The following MEF2D variants were observed in gnomAD, a reference collection of about 807,000 sequenced individuals.
MEF2D encodes myocyte enhancer factor 2D.
Under a neutral mutation model 59.3 loss-of-function variants are expected in MEF2D, and 10 were observed. The ratio of observed to expected loss-of-function variants is 0.17; its 90% CI spans 0.10 to 0.29. The LOEUF is 0.29. Ranked by LOEUF, MEF2D falls within the 10% of genes least tolerant of loss-of-function variation. The pLI is 1.00. For missense variants in MEF2D, 508 were observed against 699.4 expected (o/e 0.73, Z 3.09); for synonymous variants, 305 against 295.0 (o/e 1.03, Z -0.35).
At chr1:156,493,723 A>C (rs1672961711) in intron 1 of MEF2D, among the ~76,000 whole-genome samples, 1 of 152,040 alleles carries the variant, frequency 6.6e-6, no homozygotes, top group Non-Finnish European at 1.5e-5. Flanking sequence ...CTGCCTACCA[A>C]GTTTTCCTTG....
intron 1 of MEF2D, among the ~76,000 whole-genome samples, chr1:156,500,082 G>A (rs1673393442): frequency 6.6e-6 from 1 of 152,114 alleles, no homozygotes; most frequent in Non-Finnish European, 1.5e-5. Context: ...GAGGGAGGGA[G>A]GGCCGGCTGT....
Position 156,489,378 on chromosome 1 carries a change from G to A in MEF2D, c.-138-5948C>T, listed in dbSNP as rs531871895. 2.7e-3 allele frequency among the ~76,000 whole-genome samples: 415 copies of A among 152,252 alleles called. 1 individual carries two copies. The highest frequency in any genetic ancestry group is 9.6e-3 in the African/African-American group (398 of 41,542). On this transcript the variant is annotated intron_variant, in intron 1 of 11. Transcript: ENST00000348159. ...CCTGCTCACTAACGAGGGAGGAGGCGTGGGTGAGGCAGACACAGAAGAGGG... is the reference window on the plus strand; with the variant it reads ...CCTGCTCACTAACGAGGGAGGAGGCATGGGTGAGGCAGACACAGAAGAGGG...
intron 1 of MEF2D, among the ~76,000 whole-genome samples, chr1:156,498,131 T>G (rs561818520): frequency 9.0e-6 from 1 of 110,530 alleles, no homozygotes; most frequent in East Asian, 2.5e-4. Flanking sequence ...AAAAAAACCC[T>G]GCTACAGAGA....
chr1:156,488,347 G>A (rs1672509656), intron 1 of MEF2D, among the ~76,000 whole-genome samples: 1 of 152,212 alleles, frequency 6.6e-6, no homozygotes, highest in Admixed American at 6.5e-5. Flanking sequence ...CAGGTCAAAA[G>A]GGAGCAGATG....
chr1:156,488,018 C>A (rs1021924056), intron 1 of MEF2D, among the ~76,000 whole-genome samples: 8 of 152,214 alleles, frequency 5.3e-5, no homozygotes, highest in African/African-American at 1.9e-4. Flanking sequence ...CCTGCCCAAT[C>A]CTGACCTCAG....
intron 1 of MEF2D, among the ~76,000 whole-genome samples, chr1:156,485,486 T>A (rs898167826): frequency 6.6e-6 from 1 of 151,474 alleles, no homozygotes; most frequent in African/African-American, 2.4e-5. Context: ...GATAAATGCA[T>A]TGCGCTTCAA....
chr1:156,481,394 G>T (rs1261754452), intron 3 of MEF2D, among the ~76,000 whole-genome samples: 1 of 152,208 alleles, frequency 6.6e-6, no homozygotes, highest in Non-Finnish European at 1.5e-5. Flanking sequence ...AGGTAGGCAG[G>T]GGGGCTCTGC....
chr1:156,470,230 G>A (rs1376000507), intron 9 of MEF2D, among the ~76,000 whole-genome samples: 1 of 152,100 alleles, frequency 6.6e-6, no homozygotes, highest in Non-Finnish European at 1.5e-5. Flanking sequence ...GATTAGCCTG[G>A]CCAACATGGT....
At position 156,468,428 on chromosome 1, in the gene MEF2D, TG is replaced by T; in HGVS notation, c.1248-130del. On this transcript the variant is annotated intron_variant, in intron 10 of 11. Coordinates refer to ENST00000348159, the MANE Select transcript of MEF2D (RefSeq NM_005920.4). The surrounding 1 kb of genome is among the most constrained non-coding windows in gnomAD (Gnocchi z 4.3). ...GATGAGAATATGGGGGATGGGGTGT[TG>T]GGGAGAGGCAATTGGATGGAGAGTG... 1.5e-6 allele frequency: 1 copy of T among 684,944 alleles called. No homozygotes were observed. 42.4% of individuals were successfully genotyped at this position (684,944 alleles called of 1,614,324 possible). A position where few individuals can be genotyped will look rare whatever the true frequency, so the allele number is the denominator to read the frequency against.
chr1:156,475,803 G>C (rs1449809111), intron 8 of MEF2D, among the ~76,000 whole-genome samples: 1 of 152,234 alleles, frequency 6.6e-6, no homozygotes, highest in African/African-American at 2.4e-5. Context: ...CAGCCTCTCT[G>C]GCCTCCCGTC....
chr1:156,468,700 C>T lies in MEF2D; in HGVS notation c.1247+80G>A. ...ATGTCCACTAGAACCCTGCAGGGAA[C>T]CCAGCTCCCAAGAGGTCCCTCCTCT... On this transcript the variant is annotated intron_variant, in intron 10 of 11. Coordinates refer to ENST00000348159, the MANE Select transcript of MEF2D (RefSeq NM_005920.4). This position sits in a 1 kb window ranked among gnomAD's most constrained non-coding sequence, Gnocchi z 4.3. 6.4e-7 allele frequency: 1 copy of T among 1,555,680 alleles called. No homozygotes were observed. The highest frequency in any genetic ancestry group is 8.7e-7 in the Non-Finnish European group (1 of 1,146,540).
rs989487015 is a variant in MEF2D, at chr1:156,468,384, A to G, written c.1248-85T>C. 9.0e-5 allele frequency: 90 copies of G among 1,000,240 alleles called. No individual in the cohort carries two copies. Among genetic ancestry groups the G allele is most frequent in the Middle Eastern group, 3.3e-4 (1 of 3,046 alleles). The allele number at this position is 1,000,240 out of a possible 1,614,324, so 62.0% of individuals were successfully genotyped here. A position where few individuals can be genotyped will look rare whatever the true frequency, so the allele number is the denominator to read the frequency against. On this transcript the variant is annotated intron_variant, in intron 10 of 11. Transcript: ENST00000348159. This position sits in a 1 kb window ranked among gnomAD's most constrained non-coding sequence, Gnocchi z 4.3. Reference sequence around the variant, plus strand: ...AACAAGTGATAGGACACCAGACAGAAAGTGAGAGAGAACAAGAGGATGAGA... The same window carrying G: ...AACAAGTGATAGGACACCAGACAGAGAGTGAGAGAGAACAAGAGGATGAGA...
intron 1 of MEF2D, among the ~76,000 whole-genome samples, chr1:156,495,762 C>CAAAGAAAAAAAAA (rs1673094334): frequency 1.3e-5 from 1 of 78,014 alleles, no homozygotes; most frequent in African/African-American, 5.4e-5. Context: ...GACCAGGGGG[C>CAAAGAAAAAAAAA]AAAAAAAAAA....
At chr1:156,489,205 G>A (rs1164765895) in intron 1 of MEF2D, among the ~76,000 whole-genome samples, 1 of 152,226 alleles carries the variant, frequency 6.6e-6, no homozygotes, top group Non-Finnish European at 1.5e-5. Context: ...TGGAGGGGAA[G>A]GCAGGAGGCG....
chr1:156,464,679 A>G lies in MEF2D; in HGVS notation c.*2966T>C, dbSNP rs1243060216. 1 of 152,074 alleles carries G rather than the reference A, an allele frequency of 6.6e-6. No individual in the cohort carries two copies. Among genetic ancestry groups the G allele is most frequent in the African/African-American group, 2.4e-5 (1 of 41,386 alleles). 9.4% of individuals were successfully genotyped at this position (152,074 alleles called of 1,614,324 possible). ...CCAGGAGCCCCTACCCCCAAGAGAA[A>G]CCTTCGGATACTGAACTGCAGAAAT... On this transcript the variant is annotated 3_prime_UTR_variant, in exon 12 of 12. Transcript: ENST00000348159.
intron 4 of MEF2D, 39 bp from the exon 5 acceptor site, chr1:156,479,835 G>T: frequency 6.5e-7 from 1 of 1,542,194 alleles, no homozygotes; most frequent in South Asian, 1.2e-5. Flanking sequence ...AGGCCAGGTT[G>T]ACCCCTTCCA....
chr1:156,473,789 CCT>C (rs1671395108), intron 9 of MEF2D, among the ~76,000 whole-genome samples: 1 of 152,068 alleles, frequency 6.6e-6, no homozygotes, highest in African/African-American at 2.4e-5. Flanking sequence ...CTTCAGATCC[CCT>C]CTCTAACCTT....
chr1:156,495,378 A>C lies in MEF2D; in HGVS notation c.-139+5108T>G, dbSNP rs546252825. Among the ~76,000 whole-genome samples, 4 of 152,336 alleles carry C rather than the reference A, an allele frequency of 2.6e-5. No homozygotes were observed. The South Asian group carries it at 8.3e-4, about 32-fold the overall frequency. On this transcript the variant is annotated intron_variant, in intron 1 of 11. Coordinates refer to ENST00000348159, the MANE Select transcript of MEF2D (RefSeq NM_005920.4). ...GAGACTCAGTTTCCCAATTCAAAAA[A>C]ACAGTTTTAGAGAGAAACAGTCTTC...
chr1:156,471,161 T>C (rs1248274889), intron 9 of MEF2D, among the ~76,000 whole-genome samples: 2 of 152,140 alleles, frequency 1.3e-5, no homozygotes, highest in Non-Finnish European at 2.9e-5. Context: ...GTTCAAGCAA[T>C]TCTCCTGCCT....
Sources: allele counts gnomAD v4.1 joint callset (sites outside exome capture counted in the v4.1 genomes callset), GRCh38; gene constraint gnomAD v4.1.1; non-coding constraint Gnocchi (gnomAD v3.1); transcripts MANE v1.5; gene names NCBI Gene and HGNC (gene_info 2026-07-23, HGNC 2026-07-21).